The following RAB11FIP4 variants were observed in gnomAD, a reference collection of about 807,000 sequenced individuals.
RAB11FIP4 encodes RAB11 family interacting protein 4, also known as rab11 family-interacting protein 4.
Under a neutral mutation model 74.3 loss-of-function variants are expected in RAB11FIP4, and 23 were observed. The observed-to-expected ratio is 0.31, with a 90% CI of 0.22 to 0.44. The LOEUF is 0.44. RAB11FIP4 is among the 20% of genes least tolerant of loss of function. The pLI, the probability that RAB11FIP4 is intolerant of heterozygous loss-of-function variation, is 1.00. For missense variants in RAB11FIP4, 630 were observed against 863.9 expected, an observed-to-expected ratio of 0.73 and a Z score of 3.39; for synonymous variants, 360 against 359.9, an observed-to-expected ratio of 1.00 and a Z score of 0.00.
At chr17:31,494,382 A>G (rs933261535) in intron 3 of RAB11FIP4, among the ~76,000 whole-genome samples, 1 of 146,866 alleles carries the variant, frequency 6.8e-6, no homozygotes, top group Admixed American at 6.9e-5. Flanking sequence ...AGGCTCAAAT[A>G]TGTAAATGTA....
At chr17:31,504,186 A>G (rs2072273604) in intron 3 of RAB11FIP4, among the ~76,000 whole-genome samples, 1 of 144,494 alleles carries the variant, frequency 6.9e-6, no homozygotes, top group African/African-American at 2.8e-5. Context: ...GCTGGAGTGC[A>G]GTGGCGCGAC....
chr17:31,452,545 A>G lies in RAB11FIP4; in HGVS notation c.336+18423A>G, dbSNP rs141392322. Among the ~76,000 whole-genome samples, 1,154 of 152,268 alleles carry G rather than the reference A, an allele frequency of 7.6e-3. 7 individuals are homozygous for G. Among genetic ancestry groups the G allele is most frequent in the African/African-American group, 0.026 (1,094 of 41,544 alleles). On this transcript the variant is annotated intron_variant, in intron 3 of 14. Transcript: ENST00000621161. Reference sequence around the variant, plus strand: ...CTGGGTCTGCGTTCCTAGCCTGCTCATCAGCAATGGTGGTGCTGCTGACCT... The same window carrying G: ...CTGGGTCTGCGTTCCTAGCCTGCTCGTCAGCAATGGTGGTGCTGCTGACCT...
In RAB11FIP4 at chr17:31,532,024, C is replaced by G; in HGVS notation, c.*292C>G. 1 of 319,126 alleles carries G rather than the reference C, an allele frequency of 3.1e-6. No individual in the cohort carries two copies. 19.8% of individuals were successfully genotyped at this position (319,126 alleles called of 1,614,324 possible). ...AGGCAAGGTCTGCTATCAGGAGTTA[C>G]TGTAAAAACAAGAACTGGAAGCTCG... On this transcript the variant is annotated 3_prime_UTR_variant, in exon 15 of 15. Transcript: ENST00000621161.
intron 3 of RAB11FIP4, among the ~76,000 whole-genome samples, chr17:31,502,692 G>A (rs2072244941): frequency 6.6e-6 from 1 of 152,198 alleles, no homozygotes; most frequent in Non-Finnish European, 1.5e-5. Flanking sequence ...GGGTTTCCAT[G>A]AAGCCTTCCT....
At chr17:31,428,699 A>G (rs2071277425) in intron 1 of RAB11FIP4, among the ~76,000 whole-genome samples, 2 of 152,136 alleles carry the variant, frequency 1.3e-5, no homozygotes, top group African/African-American at 4.8e-5. Flanking sequence ...CACTTGTTGA[A>G]TAAGTGAGTG....
chr17:31,452,448 A>G (rs1207977476), intron 3 of RAB11FIP4, among the ~76,000 whole-genome samples: 2 of 152,160 alleles, frequency 1.3e-5, no homozygotes, highest in African/African-American at 4.8e-5. Context: ...GAGACTCTGC[A>G]GCTGGGCTCT....
chr17:31,402,766 C>T (rs769195375), intron 1 of RAB11FIP4, among the ~76,000 whole-genome samples: 64 of 151,628 alleles, frequency 4.2e-4, no homozygotes, highest in Non-Finnish European at 6.5e-4. Flanking sequence ...GGACTACAGG[C>T]GCCCACCATC....
At position 31,501,702 on chromosome 17, in the gene RAB11FIP4, G is replaced by A. The variant is rs528027321; in HGVS notation, c.337-15949G>A. The A allele has an allele frequency of 4.2e-4, 67 of 159,038 alleles. 2 individuals carry two copies. In the South Asian group the frequency reaches 9.3e-3, roughly 22 times the overall value. The allele number at this position is 159,038 out of a possible 1,614,324, so 9.9% of individuals were successfully genotyped here. On this transcript the variant is annotated intron_variant, in intron 3 of 14. Coordinates refer to ENST00000621161, the MANE Select transcript of RAB11FIP4 (RefSeq NM_032932.6). ...CGCCACCACGCCCAGCTAATTTTTT[G>A]TATTTTTAGTAGAGATGGGGTTTCA...
chr17:31,486,345 A>G (rs1416327882), intron 3 of RAB11FIP4, among the ~76,000 whole-genome samples: 1 of 151,758 alleles, frequency 6.6e-6, no homozygotes, highest in Non-Finnish European at 1.5e-5. Context: ...GGCTCAAGTG[A>G]TCCTCTTCAG....
intron 3 of RAB11FIP4, among the ~76,000 whole-genome samples, chr17:31,480,475 G>C (rs1251458244): frequency 6.6e-6 from 1 of 152,144 alleles, no homozygotes; most frequent in Non-Finnish European, 1.5e-5. Flanking sequence ...AGCAAAAATT[G>C]GTGCCTAAAT....
chr17:31,525,266 AC>A, intron 10 of RAB11FIP4, 36 bp downstream of exon 10: 1 of 1,523,222 alleles, frequency 6.6e-7, no homozygotes, highest in South Asian at 1.3e-5. Context: ...CCTCAGAGGG[AC>A]CCCCTGTCCT....
Position 31,537,732 on chromosome 17 carries a change from G to C in RAB11FIP4, c.*6000G>C, listed in dbSNP as rs569129042. 3 of 153,492 alleles carry C rather than the reference G, an allele frequency of 2.0e-5. No individual in the cohort carries two copies. The East Asian group carries it at 5.7e-4, about 29-fold the overall frequency. 9.5% of individuals were successfully genotyped at this position (153,492 alleles called of 1,614,324 possible). A position where few individuals can be genotyped will look rare whatever the true frequency, so the allele number is the denominator to read the frequency against. On this transcript the variant is annotated 3_prime_UTR_variant, in exon 15 of 15. Coordinates refer to ENST00000621161, the MANE Select transcript of RAB11FIP4 (RefSeq NM_032932.6). ...GAGGTGCTAGCTGCTGCCCCTGCCT[G>C]CTGTGAACACCTGCCCAGCCCTTCC...
At chr17:31,444,559 CT>C (rs921106001) in intron 3 of RAB11FIP4, among the ~76,000 whole-genome samples, 4 of 152,156 alleles carry the variant, frequency 2.6e-5, no homozygotes, top group African/African-American at 9.7e-5. Flanking sequence ...CCTCCTACCC[CT>C]GACCATCCCT....
At chr17:31,479,479 A>C (rs2071825999) in intron 3 of RAB11FIP4, among the ~76,000 whole-genome samples, 2 of 152,216 alleles carry the variant, frequency 1.3e-5, no homozygotes, top group African/African-American at 2.4e-5. Flanking sequence ...CAGACATGTT[A>C]GGAGCTTAAG....
At chr17:31,439,642 G>A (rs1004640191) in intron 3 of RAB11FIP4, among the ~76,000 whole-genome samples, 2 of 152,004 alleles carry the variant, frequency 1.3e-5, no homozygotes, top group African/African-American at 4.8e-5. Flanking sequence ...AGGCAGTCTC[G>A]CTCTACTGCC....
intron 1 of RAB11FIP4, among the ~76,000 whole-genome samples, chr17:31,422,287 A>G (rs2071207567): frequency 6.6e-6 from 1 of 152,222 alleles, no homozygotes; most frequent in Admixed American, 6.5e-5. Context: ...GTATTCTGCT[A>G]TTCTTGGGTG....
intron 3 of RAB11FIP4, among the ~76,000 whole-genome samples, chr17:31,471,785 G>A (rs1597937032): frequency 6.6e-6 from 1 of 152,356 alleles, no homozygotes; most frequent in East Asian, 1.9e-4. Flanking sequence ...AGTTGGCGAT[G>A]AGCCTTGCAG....
intron 14 of RAB11FIP4, chr17:31,530,981 C>A (rs2072861650): frequency 6.3e-6 from 1 of 159,208 alleles, no homozygotes; most frequent in Non-Finnish European, 1.4e-5. Context: ...CAAAGCCTAC[C>A]CTTCCTGCCA....
intron 1 of RAB11FIP4, among the ~76,000 whole-genome samples, chr17:31,394,938 C>G (rs867755523): frequency 2.2e-4 from 16 of 71,264 alleles, no homozygotes; most frequent in African/African-American, 4.5e-4. Flanking sequence ...TGGCGGGGGG[C>G]GGGGGGGGGG....
Sources: allele counts gnomAD v4.1 joint callset (sites outside exome capture counted in the v4.1 genomes callset), GRCh38; gene constraint gnomAD v4.1.1; transcripts MANE v1.5; gene names NCBI Gene and HGNC (gene_info 2026-07-23, HGNC 2026-07-21).